The following TMEM50B variants were observed in gnomAD, a reference collection of about 807,000 sequenced individuals.
TMEM50B encodes HCV p7-trans-regulated protein 3.
In TMEM50B, 14 loss-of-function variants were observed where a neutral mutation model predicts 23.4. That is an observed-to-expected ratio of 0.60 (90% CI 0.39 to 0.93). The LOEUF (loss-of-function observed/expected upper bound fraction) is 0.93. Ranked by LOEUF, TMEM50B falls within the 40% of genes least tolerant of loss-of-function variation. The probability of loss-of-function intolerance (pLI) is 0.00; values close to 1 mark genes in which losing one functional copy is unlikely to be tolerated. For missense variants in TMEM50B, 159 were observed against 193.0 expected, an observed-to-expected ratio of 0.82 and a Z score of 1.04; for synonymous variants, 64 against 62.3, an observed-to-expected ratio of 1.03 and a Z score of -0.13.
downstream of TMEM50B, among the ~76,000 whole-genome samples, chr21:33,446,792 T>C (rs1320849684): frequency 1.3e-5 from 2 of 151,924 alleles, no homozygotes; most frequent in Admixed American, 6.6e-5. Flanking sequence ...GAGGATCACT[T>C]GAGCTCAGGA....
At chr21:33,446,655 CAA>C (rs869154931), downstream of TMEM50B, among the ~76,000 whole-genome samples, 1 of 19,192 alleles carries the variant, frequency 5.2e-5, no homozygotes, top group African/African-American at 2.3e-4. Context: ...CACACACACA[CAA>C]AAAAAAAAAA....
intron 4 of TMEM50B, 144 bp from the exon 5 acceptor site, chr21:33,460,649 G>T (rs1601122353): frequency 1.3e-5 from 5 of 389,762 alleles, no homozygotes; most frequent in Admixed American, 4.6e-5. Flanking sequence ...TCTGCTGTAA[G>T]TTAAATGAAT....
chr21:33,436,544 G>T (rs1010985565), intron 8 of TMEM50B, among the ~76,000 whole-genome samples: 1 of 151,970 alleles, frequency 6.6e-6, no homozygotes, highest in Admixed American at 6.6e-5. Context: ...CCAACATAGT[G>T]AAACCCTGTC....
At position 33,449,539 on chromosome 21, in the gene TMEM50B, C is replaced by T. The variant is rs2084097955; in HGVS notation, c.*1279G>A. 6.6e-6 allele frequency: 1 copy of T among 152,318 alleles called. No individual in the cohort carries two copies. The highest frequency in any genetic ancestry group is 6.5e-5 in the Admixed American group (1 of 15,268). The allele number at this position is 152,318 out of a possible 1,614,324, so 9.4% of individuals were successfully genotyped here. A position where few individuals can be genotyped will look rare whatever the true frequency, so the allele number is the denominator to read the frequency against. ...AACAGTGCAAATACAGTACTGCAAA[C>T]TCAGTAAAAGGAGTTTTTGATTGGA... On this transcript the variant is annotated 3_prime_UTR_variant, in exon 7 of 7. Coordinates refer to ENST00000542230, the MANE Select transcript of TMEM50B (RefSeq NM_006134.7).
intron 4 of TMEM50B, among the ~76,000 whole-genome samples, chr21:33,461,646 G>GA (rs958570615): frequency 4.0e-5 from 6 of 150,830 alleles, no homozygotes; most frequent in Non-Finnish European, 5.9e-5. Flanking sequence ...TCTACTAAAA[G>GA]AAAAAAAAAT....
At chr21:33,442,380 TG>T (rs980456709) in intron 7 of TMEM50B, among the ~76,000 whole-genome samples, 8 of 151,878 alleles carry the variant, frequency 5.3e-5, no homozygotes, top group African/African-American at 1.9e-4. Flanking sequence ...CTGGTCAGAG[TG>T]GTTACTTGGG....
rs1236665543 is a variant in TMEM50B, at chr21:33,449,959, T to C, written c.*859A>G. On this transcript the variant is annotated 3_prime_UTR_variant, in exon 7 of 7. Coordinates refer to ENST00000542230, the MANE Select transcript of TMEM50B (RefSeq NM_006134.7). ...TATTATCCCTTCTCACATAAAGTCATATTAGAGGAATTCTTTTTAAAAGAA... is the reference window on the plus strand; with the variant it reads ...TATTATCCCTTCTCACATAAAGTCACATTAGAGGAATTCTTTTTAAAAGAA... 6.6e-6 allele frequency: 1 copy of C among 152,646 alleles called. No homozygotes were observed. The highest frequency in any genetic ancestry group is 1.9e-4 in the East Asian group (1 of 5,202). The allele number at this position is 152,646 out of a possible 1,614,324, so 9.5% of individuals were successfully genotyped here. A position where few individuals can be genotyped will look rare whatever the true frequency, so the allele number is the denominator to read the frequency against.
In TMEM50B at chr21:33,479,852, C is replaced by A. The variant is rs912619094; in HGVS notation, c.-56G>T. ...ACAGGACTCACCCAGCTTCCTCAAACGCCCACGCCGACTTCAGGCGCGCGC... is the reference window on the plus strand; with the variant it reads ...ACAGGACTCACCCAGCTTCCTCAAAAGCCCACGCCGACTTCAGGCGCGCGC... On this transcript the variant is annotated 5_prime_UTR_variant, in exon 1 of 7. Coordinates refer to ENST00000542230, the MANE Select transcript of TMEM50B (RefSeq NM_006134.7). The A allele has an allele frequency of 6.6e-6, 1 of 152,240 alleles. No individual in the cohort carries two copies. Among genetic ancestry groups the A allele is most frequent in the Non-Finnish European group, 1.5e-5 (1 of 68,062 alleles). The allele number at this position is 152,240 out of a possible 1,614,324, so 9.4% of individuals were successfully genotyped here. A position where few individuals can be genotyped will look rare whatever the true frequency, so the allele number is the denominator to read the frequency against.
chr21:33,459,524 TG>T (rs2084198973), intron 5 of TMEM50B, among the ~76,000 whole-genome samples: 1 of 151,716 alleles, frequency 6.6e-6, no homozygotes, highest in Non-Finnish European at 1.5e-5. Context: ...AAAAATTAGC[TG>T]GGTGTGGTGG....
At chr21:33,461,742 T>G (rs551386306) in intron 4 of TMEM50B, among the ~76,000 whole-genome samples, 3 of 152,004 alleles carry the variant, frequency 2.0e-5, no homozygotes, top group African/African-American at 7.2e-5. Flanking sequence ...GAGGCAGAGG[T>G]TGCAGTGAGC....
Position 33,467,105 on chromosome 21 carries a change from C to T in TMEM50B, c.117G>A (p.Trp39Ter), listed in dbSNP as rs2084271406. The T allele has an allele frequency of 6.2e-7, 1 of 1,614,018 alleles. No homozygotes were observed. Among genetic ancestry groups the T allele is most frequent in the Non-Finnish European group, 8.5e-7 (1 of 1,180,016 alleles). ...ACACCACAGCTGCATCAATCATTAT[C>T]CACCAGCCTGTAAAAAACTTAAAAC... ...VAGILFFTGW[W>*]IMIDAAVVYP... Residue 39 changes from tryptophan to a stop codon, truncating the protein, a stop_gained, in exon 3 of 7, where the codon TGG becomes TGA. Coordinates refer to ENST00000542230, the MANE Select transcript of TMEM50B (RefSeq NM_006134.7). LOFTEE classifies it high-confidence loss of function.
intron 7 of TMEM50B, among the ~76,000 whole-genome samples, chr21:33,439,819 G>A (rs1197856246): frequency 1.3e-5 from 2 of 151,848 alleles, no homozygotes; most frequent in Admixed American, 6.6e-5. Context: ...ACCCTGAGGT[G>A]GGTGGATCAT....
At chr21:33,445,310 A>G (rs1174076510), downstream of TMEM50B, among the ~76,000 whole-genome samples, 2 of 152,250 alleles carry the variant, frequency 1.3e-5, no homozygotes, top group African/African-American at 4.8e-5. Context: ...TATCTGCCAC[A>G]GCTGAAAGAA....
intron 2 of TMEM50B, 64 bp downstream of exon 2, chr21:33,468,723 C>T: frequency 1.6e-6 from 2 of 1,284,112 alleles, no homozygotes; most frequent in South Asian, 2.5e-5. Context: ...TTCAAAGGAA[C>T]CGGCATTAAT....
At chr21:33,456,392 A>G (rs2084168788) in intron 5 of TMEM50B, among the ~76,000 whole-genome samples, 1 of 152,174 alleles carries the variant, frequency 6.6e-6, no homozygotes. Context: ...TCATGCAAAT[A>G]TGTCAGATAT....
rs146660014 is a variant in TMEM50B, at chr21:33,454,697, G to C, written c.431+1030C>G. 4.3e-3 allele frequency among the ~76,000 whole-genome samples: 654 copies of C among 152,034 alleles called. 5 individuals carry two copies. Among genetic ancestry groups the C allele is most frequent in the African/African-American group, 0.015 (629 of 41,454 alleles). ...TTTTTTCCCGAAAGGCTAGTCAAGT[G>C]AAACAATGGGTCTGATAGGGTTTTT... is the stretch of plus-strand genomic sequence containing the variant. On this transcript the variant is annotated intron_variant, in intron 6 of 6. Coordinates refer to ENST00000542230, the MANE Select transcript of TMEM50B (RefSeq NM_006134.7).
intron 8 of TMEM50B, among the ~76,000 whole-genome samples, chr21:33,438,783 G>A (rs978654922): frequency 8.6e-5 from 13 of 151,854 alleles, no homozygotes; most frequent in East Asian, 3.9e-4. Context: ...AGGCTGGAGC[G>A]CAGTGGCGCG....
chr21:33,477,594 T>C (rs1402005280), intron 1 of TMEM50B, among the ~76,000 whole-genome samples: 1 of 96,478 alleles, frequency 1.0e-5, no homozygotes, highest in East Asian at 4.4e-4. Flanking sequence ...CCCAGCACTT[T>C]GGGAGGCCGA....
Position 33,441,838 on chromosome 21 carries a change from C to T in TMEM50B, c.*2037-2541G>A, listed in dbSNP as rs1209033946. ...TAGAGATGGGATTTTGCCATGTTGCCCAGGCTGGTCTTGAACTCCTGACCT... is the reference window on the plus strand; with the variant it reads ...TAGAGATGGGATTTTGCCATGTTGCTCAGGCTGGTCTTGAACTCCTGACCT... On this transcript the variant is annotated intron_variant and NMD_transcript_variant, in intron 7 of 8. Coordinates refer to the TMEM50B transcript ENST00000420455. 2.0e-5 allele frequency among the ~76,000 whole-genome samples: 3 copies of T among 151,992 alleles called. No individual in the cohort carries two copies. The East Asian group carries it at 5.8e-4, about 29-fold the overall frequency.
Sources: gnomAD v4.1 joint callset for allele counts (sites outside exome capture counted in the v4.1 genomes callset) on GRCh38, gnomAD v4.1.1 for gene constraint, MANE v1.5 for transcripts, NCBI Gene and HGNC (gene_info 2026-07-23, HGNC 2026-07-21) for gene names.